The following PDE4D variants were observed in gnomAD, a reference collection of about 807,000 sequenced individuals.
The protein encoded by PDE4D is phosphodiesterase 4D, also known as 3',5'-cyclic-AMP phosphodiesterase 4D.
A neutral mutation model predicts 87.4 loss-of-function variants in PDE4D; 24 were observed. The observed-to-expected ratio is 0.27, with a 90% CI of 0.20 to 0.39. The LOEUF is 0.39. PDE4D is among the 10% of genes least tolerant of loss of function. The probability of loss-of-function intolerance (pLI) is 1.00; values close to 1 mark genes in which losing one functional copy is unlikely to be tolerated. For synonymous variants in PDE4D, 384 were observed against 383.2 expected, an observed-to-expected ratio of 1.00 and a Z score of -0.02; for missense variants, 714 against 1,041.0, an observed-to-expected ratio of 0.69 and a Z score of 4.32.
intron 1 of PDE4D, among the ~76,000 whole-genome samples, chr5:60,210,205 T>C (rs1743027098): frequency 6.6e-6 from 1 of 152,164 alleles, no homozygotes; most frequent in South Asian, 2.1e-4. Context: ...AAAACTGCTA[T>C]TTGTGACAAT....
rs775739827 is a variant in PDE4D at position 58,989,934 on chromosome 5, AT to A, written c.1288-16del. On this transcript the variant is annotated splice_polypyrimidine_tract_variant and intron_variant, in intron 9 of 14. Coordinates refer to ENST00000340635, the MANE Select transcript of PDE4D (RefSeq NM_001104631.2). ...AAATCCCGTTCCTGTAGGAAAAAAAATCATCTTAACATTTTTGTCTTTATGT... is the reference window on the plus strand; with the variant it reads ...AAATCCCGTTCCTGTAGGAAAAAAAACATCTTAACATTTTTGTCTTTATGT... The A allele has an allele frequency of 5.5e-6, 8 of 1,461,042 alleles. No homozygotes were observed. The South Asian group carries it at 6.1e-5, about 11-fold the overall frequency. 90.5% of individuals were successfully genotyped at this position (1,461,042 alleles called of 1,614,324 possible).
At chr5:60,022,920 G>A (rs986519015) in intron 2 of PDE4D, among the ~76,000 whole-genome samples, 4 of 151,912 alleles carry the variant, frequency 2.6e-5, no homozygotes, top group Non-Finnish European at 5.9e-5. Flanking sequence ...CCCTCCATCC[G>A]CATCTCTTTC....
chr5:59,555,788 T>A (rs560442182), intron 1 of PDE4D, among the ~76,000 whole-genome samples: 1 of 152,100 alleles, frequency 6.6e-6, no homozygotes, highest in Admixed American at 6.6e-5. Context: ...TGCAAATTAA[T>A]CCCTGTCTCT....
intron 3 of PDE4D, among the ~76,000 whole-genome samples, chr5:59,965,660 A>C (rs2152813723): frequency 6.6e-6 from 1 of 152,318 alleles, no homozygotes; most frequent in African/African-American, 2.4e-5. Flanking sequence ...TGCCACAAGA[A>C]GCAGATAGTT....
chr5:59,446,260 ATAAG>A (rs1340194994), intron 1 of PDE4D, among the ~76,000 whole-genome samples: 1 of 152,178 alleles, frequency 6.6e-6, no homozygotes, highest in African/African-American at 2.4e-5. Context: ...TTTAACACTT[ATAAG>A]TGTTACCTAT....
At chr5:59,649,495 A>G (rs2150229411) in intron 1 of PDE4D, among the ~76,000 whole-genome samples, 2 of 152,220 alleles carry the variant, frequency 1.3e-5, no homozygotes, top group East Asian at 3.9e-4. Flanking sequence ...GAAGGAATTG[A>G]AATGAGTAAT....
intron 1 of PDE4D, among the ~76,000 whole-genome samples, chr5:60,462,886 A>G (rs1747067133): frequency 6.6e-6 from 1 of 152,224 alleles, no homozygotes; most frequent in South Asian, 2.1e-4. Context: ...TTCATCATAT[A>G]CAACAGACTT....
chr5:59,064,528 G>A (rs984912526), intron 5 of PDE4D, among the ~76,000 whole-genome samples: 2 of 152,016 alleles, frequency 1.3e-5, no homozygotes, highest in African/African-American at 4.8e-5. Context: ...GTTTCCCAGT[G>A]ATTTATCATA....
chr5:59,072,503 C>G (rs55868449), intron 5 of PDE4D, among the ~76,000 whole-genome samples: 1 of 151,976 alleles, frequency 6.6e-6, no homozygotes, highest in African/African-American at 2.4e-5. Context: ...CCTGCCTAGG[C>G]CCCCCTTGTC....
In PDE4D at chr5:60,269,053, C is replaced by T. The variant is rs190691945; in HGVS notation, c.-89-83366G>A. Reference sequence around the variant, plus strand: ...GCGCGGTGGCTCACACCTGTAATTCCAGCACTTTGGGAGGCCGAGGCGGGC... The same window carrying T: ...GCGCGGTGGCTCACACCTGTAATTCTAGCACTTTGGGAGGCCGAGGCGGGC... On this transcript the variant is annotated intron_variant, in intron 1 of 16. Coordinates refer to the PDE4D transcript ENST00000502484. Among the ~76,000 whole-genome samples, 378 of 152,258 alleles carry T rather than the reference C, an allele frequency of 2.5e-3. 3 individuals carry two copies. The highest frequency in any genetic ancestry group is 8.9e-3 in the African/African-American group (370 of 41,540).
chr5:59,794,436 G>A (rs149423176), intron 1 of PDE4D, among the ~76,000 whole-genome samples: 137 of 152,138 alleles, frequency 9.0e-4, no homozygotes, highest in African/African-American at 3.1e-3. Context: ...AGTGAGGCAC[G>A]ACATCCCTGG....
At chr5:58,991,236 C>G (rs774172007) in intron 8 of PDE4D, among the ~76,000 whole-genome samples, 1 of 152,182 alleles carries the variant, frequency 6.6e-6, no homozygotes, top group African/African-American at 2.4e-5. Context: ...GAGCCAAGAT[C>G]GCGCCACTGC....
chr5:60,275,867 T>C (rs1237242702), intron 1 of PDE4D, among the ~76,000 whole-genome samples: 2 of 152,150 alleles, frequency 1.3e-5, no homozygotes, highest in African/African-American at 4.8e-5. Context: ...TTATTTCCCT[T>C]GAGAGTTTCT....
chr5:59,264,353 T>C (rs1432223689), intron 1 of PDE4D, among the ~76,000 whole-genome samples: 1 of 152,066 alleles, frequency 6.6e-6, no homozygotes, highest in Non-Finnish European at 1.5e-5. Flanking sequence ...TTTTGATATT[T>C]ACATGAAAAA....
intron 2 of PDE4D, among the ~76,000 whole-genome samples, chr5:60,132,432 T>G (rs1424435118): frequency 6.6e-6 from 1 of 152,188 alleles, no homozygotes; most frequent in East Asian, 1.9e-4. Context: ...TTTGAACTAA[T>G]CTAGACAACT....
chr5:59,159,948 A>T (rs980454065), intron 5 of PDE4D, among the ~76,000 whole-genome samples: 1 of 152,198 alleles, frequency 6.6e-6, no homozygotes, highest in Non-Finnish European at 1.5e-5. Flanking sequence ...GTAGGGGAAA[A>T]AAAAGTCCTC....
intron 2 of PDE4D, among the ~76,000 whole-genome samples, chr5:60,157,788 G>A (rs1782111456): frequency 6.6e-6 from 1 of 152,120 alleles, no homozygotes; most frequent in African/African-American, 2.4e-5. Context: ...AACTCAGTTA[G>A]CTTTTCCCAA....
Position 59,493,714 on chromosome 5 carries a change from A to G in PDE4D, c.456-277746T>C, listed in dbSNP as rs146242349. 3.9e-5 allele frequency among the ~76,000 whole-genome samples: 6 copies of G among 152,362 alleles called. No homozygotes were observed. In the East Asian group the frequency reaches 7.7e-4, roughly 20 times the overall value. On this transcript the variant is annotated intron_variant, in intron 1 of 14. Transcript: ENST00000340635. ...TGTTTTAATGTATAGGTAAATTACT[A>G]AGATCAGAAACTGAATGAATAACGA...
chr5:59,994,009 A>G (rs1335691456), intron 2 of PDE4D, among the ~76,000 whole-genome samples: 1 of 152,054 alleles, frequency 6.6e-6, no homozygotes, highest in African/African-American at 2.4e-5. Context: ...ATTCCATAAT[A>G]ATTGACACTT....
Sources: allele counts gnomAD v4.1 joint callset (sites outside exome capture counted in the v4.1 genomes callset), GRCh38; gene constraint gnomAD v4.1.1; transcripts MANE v1.5; gene names NCBI Gene and HGNC (gene_info 2026-07-23, HGNC 2026-07-21).